SLC26A7: variants seen among roughly 807,000 people sequenced by gnomAD.
SLC26A7 encodes the protein solute carrier family 26 member 7.
In SLC26A7, 59 loss-of-function variants were observed where a neutral mutation model predicts 82.5. That is an observed-to-expected ratio of 0.72 (90% confidence interval 0.58 to 0.89). SLC26A7 has a LOEUF of 0.89. Ranked by LOEUF, SLC26A7 falls within the 40% of genes least tolerant of loss-of-function variation. The pLI is 0.00. For synonymous variants in SLC26A7, 271 were observed against 274.3 expected, an observed-to-expected ratio of 0.99 and a Z score of 0.12; for missense variants, 820 against 793.0, an observed-to-expected ratio of 1.03 and a Z score of -0.41.
chr8:91,275,679 A>G (rs115276769), intron 2 of SLC26A7, among the ~76,000 whole-genome samples: 3 of 152,148 alleles, frequency 2.0e-5, no homozygotes, highest in African/African-American at 7.2e-5. Flanking sequence ...CTTATTGTGC[A>G]TAAACTTTGG....
chr8:91,354,202 A>T (rs990451265), intron 11 of SLC26A7, among the ~76,000 whole-genome samples: 1 of 152,282 alleles, frequency 6.6e-6, no homozygotes, highest in African/African-American at 2.4e-5. Flanking sequence ...TGGTTAAGTT[A>T]TTTCTAAGGA....
rs567131106 is a variant in SLC26A7, at chr8:91,303,408, C to G, written c.477+7705C>G. Among the ~76,000 whole-genome samples the G allele has an allele frequency of 3.3e-5, 5 of 152,264 alleles. No homozygotes were observed. In the East Asian group the frequency reaches 9.7e-4, roughly 29 times the overall value. ...CCCAAGCTCTACTTTTCTGAAGAAG[C>G]CATAGGACAAGATTTCTGCCATGGG... On this transcript the variant is annotated intron_variant, in intron 4 of 18. Coordinates refer to ENST00000276609, the MANE Select transcript of SLC26A7 (RefSeq NM_052832.4).
chr8:91,294,749 A>AG (rs1476858844), intron 3 of SLC26A7, among the ~76,000 whole-genome samples: 2 of 152,188 alleles, frequency 1.3e-5, no homozygotes, highest in African/African-American at 4.8e-5. Flanking sequence ...TGACAGGAAG[A>AG]GGGGAACACA....
At chr8:91,365,727 G>A (rs541866185) in intron 13 of SLC26A7, among the ~76,000 whole-genome samples, 1 of 152,154 alleles carries the variant, frequency 6.6e-6, no homozygotes, top group African/African-American at 2.4e-5. Flanking sequence ...GTCCAAATTA[G>A]CATACTTAAT....
chr8:91,276,016 T>C (rs757723007), intron 2 of SLC26A7, among the ~76,000 whole-genome samples: 1 of 152,212 alleles, frequency 6.6e-6, no homozygotes, highest in Non-Finnish European at 1.5e-5. Flanking sequence ...CTTTAAGTAG[T>C]AAATTAACCC....
intron 4 of SLC26A7, among the ~76,000 whole-genome samples, chr8:91,298,493 T>C (rs1465374383): frequency 6.6e-6 from 1 of 152,148 alleles, no homozygotes; most frequent in Non-Finnish European, 1.5e-5. Context: ...AAGACATTAC[T>C]TAGAGAACAA....
At chr8:91,369,901 T>C in intron 15 of SLC26A7, 68 bp downstream of exon 15, 3 of 1,222,118 alleles carry the variant, frequency 2.5e-6, no homozygotes, top group Non-Finnish European at 1.2e-6. Context: ...GAATAAAATC[T>C]TCTTCCCCTT....
intron 2 of SLC26A7, among the ~76,000 whole-genome samples, chr8:91,282,162 C>T (rs1030488510): frequency 6.6e-6 from 1 of 152,068 alleles, no homozygotes; most frequent in African/African-American, 2.4e-5. Flanking sequence ...TCTCTCAGCA[C>T]CTACATCAAC....
At chr8:91,258,214 T>G (rs1217253214) in intron 2 of SLC26A7, among the ~76,000 whole-genome samples, 1 of 152,106 alleles carries the variant, frequency 6.6e-6, no homozygotes, top group Non-Finnish European at 1.5e-5. Context: ...TTGCCACTGC[T>G]CTATTGGTTA....
chr8:91,362,468 C>T lies in SLC26A7; in HGVS notation c.1421+9C>T, dbSNP rs948958715. ...ATAGGACGCTTCCCAAGGTAGGATC[C>T]TATGTAAATGCTCTGTTTATTTTTG... On this transcript the variant is annotated intron_variant, in intron 12 of 18. Transcript: ENST00000276609. 3.1e-6 allele frequency: 5 copies of T among 1,605,062 alleles called. No homozygotes were observed. The East Asian group carries it at 1.1e-4, about 36-fold the overall frequency.
chr8:91,249,341 C>G lies in SLC26A7; in HGVS notation c.-186C>G. ...GCTGTAGACCAACTTAACACTGAAC[C>G]CATTACTTTTCCAAGACCAGAAAAA... is the stretch of plus-strand genomic sequence containing the variant. On this transcript the variant is annotated 5_prime_UTR_variant, in exon 1 of 19. Transcript: ENST00000276609. 5.1e-6 allele frequency: 1 copy of G among 195,310 alleles called. No homozygotes were observed. Among genetic ancestry groups the G allele is most frequent in the Middle Eastern group, 1.9e-3 (1 of 534 alleles). The allele number at this position is 195,310 out of a possible 1,614,324, so 12.1% of individuals were successfully genotyped here. A position where few individuals can be genotyped will look rare whatever the true frequency, so the allele number is the denominator to read the frequency against.
At chr8:91,252,819 T>A (rs893948718) in intron 2 of SLC26A7, among the ~76,000 whole-genome samples, 1 of 152,154 alleles carries the variant, frequency 6.6e-6, no homozygotes, top group East Asian at 1.9e-4. Flanking sequence ...TGAGCAGAAG[T>A]ATACTTCTTC....
chr8:91,384,298 G>GTCAAATCTCTCCTCTCTCATCT (rs1814741017), intron 15 of SLC26A7, among the ~76,000 whole-genome samples: 1 of 151,910 alleles, frequency 6.6e-6, no homozygotes, highest in Non-Finnish European at 1.5e-5. Context: ...GTGTGACATC[G>GTCAAATCTCTCCTCTCTCATCT]TCAAATCTCT....
intron 7 of SLC26A7, among the ~76,000 whole-genome samples, chr8:91,339,063 T>G (rs1813326083): frequency 6.6e-6 from 1 of 152,198 alleles, no homozygotes; most frequent in South Asian, 2.1e-4. Flanking sequence ...TAATGCTGAT[T>G]ATATGAATCA....
chr8:91,281,858 T>G (rs976919662), intron 2 of SLC26A7, among the ~76,000 whole-genome samples: 2 of 152,208 alleles, frequency 1.3e-5, no homozygotes, highest in African/African-American at 4.8e-5. Context: ...ATTGTGCTTT[T>G]CAGAATATTA....
At chr8:91,326,908 C>T (rs35655394) in intron 5 of SLC26A7, among the ~76,000 whole-genome samples, 7 of 152,052 alleles carry the variant, frequency 4.6e-5, no homozygotes, top group Non-Finnish European at 1.0e-4. Context: ...CAACTTCTGC[C>T]TCTGTCTTCA....
chr8:91,261,677 A>G (rs928306725), intron 2 of SLC26A7, among the ~76,000 whole-genome samples: 1 of 152,094 alleles, frequency 6.6e-6, no homozygotes, highest in Non-Finnish European at 1.5e-5. Flanking sequence ...GGTTCTGCTA[A>G]TCACTCCTTC....
intron 9 of SLC26A7, among the ~76,000 whole-genome samples, chr8:91,345,830 G>T (rs1168475290): frequency 6.6e-6 from 1 of 152,138 alleles, no homozygotes; most frequent in Non-Finnish European, 1.5e-5. Flanking sequence ...GTAATAATCA[G>T]TCTATCTGAT....
At chr8:91,221,421 T>C (rs1223972237) in intron 2 of SLC26A7, among the ~76,000 whole-genome samples, 1 of 152,218 alleles carries the variant, frequency 6.6e-6, no homozygotes, top group Non-Finnish European at 1.5e-5. Flanking sequence ...CAGTAGCTTA[T>C]GTCATTTTGT....
Sources: allele counts gnomAD v4.1 joint callset (sites outside exome capture counted in the v4.1 genomes callset), GRCh38; gene constraint gnomAD v4.1.1; transcripts MANE v1.5; gene names NCBI Gene and HGNC (gene_info 2026-07-23, HGNC 2026-07-21).